Variants in NCAPH observed in about 807,000 individuals in gnomAD.
NCAPH encodes the protein non-SMC condensin I complex subunit H, also known as condensin complex subunit 2.
A neutral mutation model predicts 85.5 loss-of-function variants in NCAPH; 38 were observed. The ratio of observed to expected loss-of-function variants is 0.44; its 90% CI spans 0.34 to 0.58. The LOEUF (loss-of-function observed/expected upper bound fraction) is 0.58, where lower values mean the gene tolerates loss of function less well. Among genes scored for constraint, NCAPH ranks in the 20% least tolerant of loss-of-function variants. NCAPH has a pLI of 0.01. For synonymous variants in NCAPH, 301 were observed against 335.1 expected (o/e 0.90, Z 1.11); for missense variants, 789 against 916.6 (o/e 0.86, Z 1.80).
At chr2:96,368,488 C>T (rs557452660) in intron 15 of NCAPH, among the ~76,000 whole-genome samples, 4 of 152,094 alleles carry the variant, frequency 2.6e-5, no homozygotes, top group Non-Finnish European at 5.9e-5. Flanking sequence ...AACCCCATCT[C>T]TACTAAAAAA....
At chr2:96,370,859 G>A (rs1025691734) in intron 17 of NCAPH, among the ~76,000 whole-genome samples, 5 of 152,158 alleles carry the variant, frequency 3.3e-5, no homozygotes, top group Non-Finnish European at 7.4e-5. Context: ...GTGCATCAGA[G>A]CCCTTGGGAA....
In NCAPH at chr2:96,373,357, C is replaced by T; in HGVS notation, c.*6C>T. On this transcript the variant is annotated 3_prime_UTR_variant, in exon 18 of 18. Coordinates refer to ENST00000240423, the MANE Select transcript of NCAPH (RefSeq NM_015341.5). ...TTGTGAGGCAAGGAGATTGAGTTCA[C>T]TATGGAGAAGTCAGCAGCAGGAGGC... 2 of 1,613,264 alleles carry T rather than the reference C, an allele frequency of 1.2e-6. No individual in the cohort carries two copies. The highest frequency in any genetic ancestry group is 1.7e-6 in the Non-Finnish European group (2 of 1,179,446).
intron 4 of NCAPH, 60 bp from the exon 5 acceptor site, chr2:96,343,106 A>T (rs1031231687): frequency 6.3e-7 from 1 of 1,595,088 alleles, no homozygotes; most frequent in Admixed American, 1.8e-5. Flanking sequence ...GCTGTGTTTT[A>T]CCTGTTCAGA....
In NCAPH at chr2:96,344,196, C is replaced by A. The variant is rs760742546; in HGVS notation, c.687C>A (p.Asn229Lys). ...GAACTATTGAGCAGAACATAAACAA[C>A]CTCAATGTCTCCGAAGCAGATCGGA... ...LHRTIEQNIN[N>K]LNVSEADRKC... The change falls in exon 6 of 18, where the codon AAC becomes AAA. Residue 229 changes from asparagine to lysine, a missense_variant. Asn to Lys is a moderately conservative substitution (Grantham distance 94). Transcript: ENST00000240423. The A allele has an allele frequency of 3.5e-5, 56 of 1,612,872 alleles. 1 individual carries two copies. In the South Asian group the frequency reaches 6.1e-4, roughly 17 times the overall value.
chr2:96,340,936 C>T (rs1347115375), intron 1 of NCAPH, among the ~76,000 whole-genome samples: 1 of 152,046 alleles, frequency 6.6e-6, no homozygotes, highest in Non-Finnish European at 1.5e-5. Context: ...AGTTAAAGAT[C>T]TAAAGTTCTT....
intron 1 of NCAPH, among the ~76,000 whole-genome samples, chr2:96,337,713 C>T (rs925235536): frequency 5.9e-5 from 9 of 151,626 alleles, no homozygotes; most frequent in South Asian, 2.1e-4. Context: ...CCACCGCGCC[C>T]GGCCTATTAT....
intron 13 of NCAPH, 121 bp from the exon 14 acceptor site, chr2:96,365,755 A>G: frequency 1.0e-6 from 1 of 963,194 alleles, no homozygotes; most frequent in Non-Finnish European, 1.6e-6. Context: ...ATCGTAGTGT[A>G]ACTCACTGAG....
chr2:96,338,413 TC>T (rs936546513), intron 1 of NCAPH, among the ~76,000 whole-genome samples: 15 of 152,196 alleles, frequency 9.9e-5, no homozygotes, highest in Non-Finnish European at 2.1e-4. Context: ...AGTACATTGT[TC>T]AGCAAATTTT....
rs3731935 is a variant in NCAPH, at chr2:96,354,311, T to C, written c.1131T>C (p.Asp377=). ...TGGGGGATGACTTTGATGCCAACGA[T>C]GAACCTGACCACACCGCAGTTGGGG... ...GSLGDDFDAN[D]EPDHTAVGDH... Residue 377 remains aspartate, a synonymous_variant, in exon 9 of 18, where the codon GAT becomes GAC. Coordinates refer to ENST00000240423, the MANE Select transcript of NCAPH (RefSeq NM_015341.5). 0.29 allele frequency: 462,083 copies of C among 1,613,720 alleles called. 75,473 individuals carry two copies. Among genetic ancestry groups the C allele is most frequent in the South Asian group, 0.64 (58,468 of 91,016 alleles).
intron 1 of NCAPH, among the ~76,000 whole-genome samples, chr2:96,337,442 C>T (rs954952150): frequency 2.6e-5 from 4 of 152,170 alleles, no homozygotes; most frequent in Non-Finnish European, 5.9e-5. Context: ...TTTTTTGAGA[C>T]GGAGTCTCGC....
chr2:96,342,075 C>G lies in NCAPH; in HGVS notation c.298C>G (p.Pro100Ala), dbSNP rs1265273007. The G allele has an allele frequency of 2.5e-6, 4 of 1,612,542 alleles. No individual in the cohort carries two copies. Among genetic ancestry groups the G allele is most frequent in the Non-Finnish European group, 3.4e-6 (4 of 1,178,616 alleles). Residue 100 changes from proline to alanine, a missense_variant, in exon 3 of 18, where the codon CCC becomes GCC. Pro to Ala is a conservative substitution (Grantham distance 27). Transcript: ENST00000240423. Reference sequence around the variant, plus strand: ...GAGTATTGACATTTCAGCTACTATCCCCAAGTTTACAAACACGCAGATTAC... The same window carrying G: ...GAGTATTGACATTTCAGCTACTATCGCCAAGTTTACAAACACGCAGATTAC... ...SRSIDISATI[P>A]KFTNTQITEH...
At chr2:96,342,720 T>C in intron 3 of NCAPH, 36 bp from the exon 4 acceptor site, 2 of 1,525,318 alleles carry the variant, frequency 1.3e-6, no homozygotes, top group Non-Finnish European at 1.8e-6. Flanking sequence ...GCCTAGGCTA[T>C]AAATAACAAT....
intron 4 of NCAPH, 44 bp from the exon 5 acceptor site, chr2:96,343,122 T>C (rs1426135486): frequency 1.2e-6 from 2 of 1,603,926 alleles, no homozygotes; most frequent in Non-Finnish European, 1.7e-6. Flanking sequence ...TCAGAAGTTG[T>C]TTTTTGTGTA....
intron 15 of NCAPH, 152 bp downstream of exon 15, chr2:96,367,525 G>A: frequency 1.8e-6 from 1 of 565,668 alleles, no homozygotes; most frequent in East Asian, 3.1e-5. Flanking sequence ...GCTCACACGT[G>A]TAATCCCAGC....
chr2:96,361,089 C>T (rs1375916282), intron 12 of NCAPH, among the ~76,000 whole-genome samples: 1 of 130,518 alleles, frequency 7.7e-6, no homozygotes, highest in Non-Finnish European at 1.6e-5. Flanking sequence ...CTCTTGTTGC[C>T]CTAGGCTGGA....
In NCAPH at chr2:96,365,958, A is replaced by T. The variant is rs1257192277; in HGVS notation, c.1781A>T (p.His594Leu). Residue 594 changes from histidine to leucine, a missense_variant, in exon 14 of 18, where the codon CAT becomes CTT. Transcript: ENST00000240423. ...TCTGACCTCTCACCTTATCCTTGCC[A>T]TCCACCTAAGACAGCACAACAGAAT... ...GNSDLSPYPCHPPKTAQQNGD... is the reference protein window; with the variant it reads ...GNSDLSPYPCLPPKTAQQNGD... The T allele has an allele frequency of 1.2e-6, 2 of 1,614,060 alleles. No homozygotes were observed. Among genetic ancestry groups the T allele is most frequent in the Non-Finnish European group, 1.7e-6 (2 of 1,180,038 alleles).
At chr2:96,347,650 C>T in intron 6 of NCAPH, among the ~76,000 whole-genome samples, 1 of 152,180 alleles carries the variant, frequency 6.6e-6, no homozygotes, top group African/African-American at 2.4e-5. Flanking sequence ...TGGGAGGTGG[C>T]ATCAGAGTTC....
chr2:96,341,829 C>A lies in NCAPH; in HGVS notation c.207C>A (p.Arg69=). The part of the protein sequence containing the change: ...DDEKERLQRR[R]SRVFDLQFST... ...AGAAGGAGCGGCTGCAGCGGAGGCG[C>A]TCGAGGGTCTTTGATCTGCAGTTCA... Residue 69 remains arginine, a synonymous_variant, in exon 2 of 18, where the codon CGC becomes CGA. Transcript: ENST00000240423. The A allele has an allele frequency of 1.2e-6, 2 of 1,613,762 alleles. No homozygotes were observed. Among genetic ancestry groups the A allele is most frequent in the Non-Finnish European group, 1.7e-6 (2 of 1,180,034 alleles).
chr2:96,369,410 C>T lies in NCAPH; in HGVS notation c.2091-15C>T, dbSNP rs1270733172. On this transcript the variant is annotated splice_polypyrimidine_tract_variant and intron_variant, in intron 16 of 17. Transcript: ENST00000240423. ...CAGTTGGCAGTGACCTAAATACTTG[C>T]CCCTTTCTTTCCAGCCTGCCCCCTG... 1.2e-6 allele frequency: 2 copies of T among 1,611,458 alleles called. No homozygotes were observed. The highest frequency in any genetic ancestry group is 1.1e-5 in the South Asian group (1 of 91,030).
Sources: gnomAD v4.1 joint callset for allele counts (sites outside exome capture counted in the v4.1 genomes callset) on GRCh38, gnomAD v4.1.1 for gene constraint, MANE v1.5 for transcripts, NCBI Gene and HGNC (gene_info 2026-07-23, HGNC 2026-07-21) for gene names.